The following CHRDL1 variants were observed in gnomAD, a reference collection of about 807,000 sequenced individuals.
CHRDL1 encodes the protein chordin-like protein 1.
A neutral mutation model predicts 40.9 loss-of-function variants in CHRDL1; 19 were observed. The ratio of observed to expected loss-of-function variants is 0.46; its 90% CI spans 0.32 to 0.68. CHRDL1 has a LOEUF of 0.68. Ranked by LOEUF, CHRDL1 falls within the 30% of genes least tolerant of loss-of-function variation. The pLI, the probability that CHRDL1 is intolerant of heterozygous loss-of-function variation, is 0.03. For missense variants in CHRDL1, 329 were observed against 352.1 expected (o/e 0.93, Z 0.53); for synonymous variants, 136 against 123.4 (o/e 1.10, Z -0.68).
intron 4 of CHRDL1, among the ~76,000 whole-genome samples, chrX:110,730,582 TTTATTA>T (rs1265795177): frequency 9.0e-6 from 1 of 110,728 alleles, no homozygotes; most frequent in South Asian, 3.9e-4. Context: ...TGTATTTTAT[TTTATTA>T]TTATTATTTT....
chrX:110,712,315 G>A lies in CHRDL1; in HGVS notation c.541+7520C>T, dbSNP rs1352258734. 7.2e-5 allele frequency among the ~76,000 whole-genome samples: 8 copies of A among 111,146 alleles called. 1 individual carries two copies. The highest frequency in any genetic ancestry group is 1.5e-4 in the Non-Finnish European group (8 of 53,068). On this transcript the variant is annotated intron_variant, in intron 6 of 11. Transcript: ENST00000372042. ...GGATGCGAATAGGTAGAAGAGGAGC[G>A]GGGGCTATTCCAAGCTTGTGAAAAA...
chrX:110,696,721 A>G (rs1480790171), intron 7 of CHRDL1, among the ~76,000 whole-genome samples: 1 of 111,409 alleles, frequency 9.0e-6, no homozygotes, highest in Non-Finnish European at 1.9e-5. Context: ...TGAGCTGTAA[A>G]AAATACTCAT....
intron 2 of CHRDL1, among the ~76,000 whole-genome samples, chrX:110,791,737 G>A (rs1393355167): frequency 9.0e-6 from 1 of 111,519 alleles, no homozygotes; most frequent in Non-Finnish European, 1.9e-5. Flanking sequence ...CTTTGCTGAA[G>A]AGTCTGAAAT....
chrX:110,697,114 C>T (rs986624176), intron 7 of CHRDL1, among the ~76,000 whole-genome samples: 4 of 110,981 alleles, frequency 3.6e-5, no homozygotes, highest in African/African-American at 1.3e-4. Flanking sequence ...GACCATATAG[C>T]TATGATCTTT....
chrX:110,764,835 G>C lies in CHRDL1; in HGVS notation c.95-2028C>G, dbSNP rs751767653. ...CTGGGAGTGTCTGTCTTATGTGGTT[G>C]AGATAAGGACTGAAATGCACCCTGG... On this transcript the variant is annotated intron_variant, in intron 2 of 11. Coordinates refer to ENST00000372042, the MANE Select transcript of CHRDL1 (RefSeq NM_001143981.2). 1.9e-4 allele frequency among the ~76,000 whole-genome samples: 21 copies of C among 110,890 alleles called. No individual in the cohort carries two copies. The South Asian group carries it at 7.9e-3, about 42-fold the overall frequency.
intron 2 of CHRDL1, among the ~76,000 whole-genome samples, chrX:110,782,464 T>A (rs1377357121): frequency 8.9e-6 from 1 of 112,533 alleles, no homozygotes; most frequent in Non-Finnish European, 1.9e-5. Context: ...GGTCACTGTT[T>A]TTAGAACTTG....
At chrX:110,758,988 C>T (rs1034653598) in intron 4 of CHRDL1, among the ~76,000 whole-genome samples, 1 of 111,722 alleles carries the variant, frequency 9.0e-6, no homozygotes, top group Non-Finnish European at 1.9e-5. Flanking sequence ...ACTCCACACG[C>T]TTTTGGGGTG....
rs1431637832 is a variant in CHRDL1, at chrX:110,729,447, C to G, written c.302-7917G>C. Among the ~76,000 whole-genome samples the G allele has an allele frequency of 3.6e-5, 4 of 111,314 alleles. No homozygotes were observed. In the East Asian group the frequency reaches 1.1e-3, roughly 31 times the overall value. ...AGATTTTCCCCAAACTCTCCTCCCC[C>G]ATAAGAACTTAACTCTCCTGTGGCC... On this transcript the variant is annotated intron_variant, in intron 4 of 11. Transcript: ENST00000372042.
intron 11 of CHRDL1, among the ~76,000 whole-genome samples, chrX:110,677,831 A>G (rs2069810733): frequency 8.9e-6 from 1 of 111,776 alleles, no homozygotes; most frequent in Admixed American, 9.5e-5. Flanking sequence ...TTTTTCACCA[A>G]TACCTGCTTA....
rs770468428 is a variant in CHRDL1, at chrX:110,689,038, TCAGA to T, written c.779-239_779-236del. Among the ~76,000 whole-genome samples, 288 of 94,058 alleles carry T rather than the reference TCAGA, an allele frequency of 3.1e-3. 1 individual carries two copies. Among genetic ancestry groups the T allele is most frequent in the African/African-American group, 0.01 (273 of 26,101 alleles). The allele number at this position is 94,058 out of a possible 115,157, so 81.7% of individuals were successfully genotyped here. A position where few individuals can be genotyped will look rare whatever the true frequency, so the allele number is the denominator to read the frequency against. ...AGCTTCTGGATGCTTATAAATGGCC[TCAGA>T]CATAGTAGGCAGTCCATAAATATAT... On this transcript the variant is annotated intron_variant, in intron 8 of 11. Transcript: ENST00000372042.
chrX:110,690,176 G>T (rs1320456346), intron 8 of CHRDL1, among the ~76,000 whole-genome samples: 2 of 102,276 alleles, frequency 2.0e-5, no homozygotes, highest in Admixed American at 2.3e-4. Context: ...CTCCAGAGTA[G>T]CTGGGACTAC....
At chrX:110,767,798 T>C (rs1263630710) in intron 2 of CHRDL1, among the ~76,000 whole-genome samples, 1 of 110,680 alleles carries the variant, frequency 9.0e-6, no homozygotes, top group African/African-American at 3.3e-5. Flanking sequence ...AAAATGACCA[T>C]ACTGACAAAA....
intron 6 of CHRDL1, among the ~76,000 whole-genome samples, chrX:110,704,410 T>C (rs1463069625): frequency 2.7e-5 from 3 of 111,898 alleles, no homozygotes; most frequent in South Asian, 7.5e-4. Context: ...AAACTGATAT[T>C]TGTGGAAGCC....
chrX:110,766,958 T>G lies in CHRDL1; in HGVS notation c.95-4151A>C, dbSNP rs1462322520. Among the ~76,000 whole-genome samples, 3 of 111,986 alleles carry G rather than the reference T, an allele frequency of 2.7e-5. No individual in the cohort carries two copies. The East Asian group carries it at 8.4e-4, about 31-fold the overall frequency. On this transcript the variant is annotated intron_variant, in intron 2 of 11. Coordinates refer to ENST00000372042, the MANE Select transcript of CHRDL1 (RefSeq NM_001143981.2). ...AATCATTAACAAAATACTATCTAAC[T>G]GAATCCAACAACCTATCAAAAAGAC... is the stretch of plus-strand genomic sequence containing the variant.
intron 4 of CHRDL1, among the ~76,000 whole-genome samples, chrX:110,756,673 G>A (rs1350079358): frequency 9.1e-6 from 1 of 109,313 alleles, no homozygotes; most frequent in Non-Finnish European, 1.9e-5. Context: ...ACAAAGAAGG[G>A]CTCATGTAAG....
At chrX:110,680,269 C>T (rs1002852855) in intron 10 of CHRDL1, among the ~76,000 whole-genome samples, 4 of 111,769 alleles carry the variant, frequency 3.6e-5, no homozygotes, top group Non-Finnish European at 7.5e-5. Flanking sequence ...GCTGGGGAAA[C>T]GCAACAAACC....
At chrX:110,789,508 A>G (rs1253173022) in intron 2 of CHRDL1, among the ~76,000 whole-genome samples, 3 of 112,457 alleles carry the variant, frequency 2.7e-5, no homozygotes, top group African/African-American at 9.7e-5. Flanking sequence ...CAATATCTAC[A>G]AATATAGACT....
chrX:110,679,224 T>C (rs2069843779), intron 11 of CHRDL1, 112 bp downstream of exon 11: 2 of 552,431 alleles, frequency 3.6e-6, no homozygotes, highest in African/African-American at 4.5e-5. Flanking sequence ...TTAGTGTTGA[T>C]ACTGAGCAGT....
chrX:110,741,464 A>G (rs897701298), intron 4 of CHRDL1, among the ~76,000 whole-genome samples: 1 of 110,636 alleles, frequency 9.0e-6, no homozygotes, highest in South Asian at 4.0e-4. Context: ...AGTGGGAGGT[A>G]CAGTTTGTCC....
Sources: allele counts gnomAD v4.1 joint callset (sites outside exome capture counted in the v4.1 genomes callset), GRCh38; gene constraint gnomAD v4.1.1; transcripts MANE v1.5; gene names NCBI Gene and HGNC (gene_info 2026-07-23, HGNC 2026-07-21).